Variants in LRRC49 observed in about 807,000 individuals in gnomAD.
LRRC49 encodes the protein leucine rich repeat containing 49, also known as leucine-rich repeat-containing protein 49.
A neutral mutation model predicts 83.3 loss-of-function variants in LRRC49; 50 were observed. That is an observed-to-expected ratio of 0.60 (90% CI 0.48 to 0.76). The LOEUF (loss-of-function observed/expected upper bound fraction) is 0.76, where lower values mean the gene tolerates loss of function less well. Among genes scored for constraint, LRRC49 ranks in the 30% least tolerant of loss-of-function variants. LRRC49 has a pLI of 0.00. For synonymous variants in LRRC49, 286 were observed against 283.3 expected (o/e 1.01, Z -0.10); for missense variants, 704 against 809.1 (o/e 0.87, Z 1.58).
At chr15:70,987,965 C>G (rs2037696799) in intron 11 of LRRC49, among the ~76,000 whole-genome samples, 1 of 152,124 alleles carries the variant, frequency 6.6e-6, no homozygotes, top group South Asian at 2.1e-4. Context: ...TTTCTTCATC[C>G]TGAGTTCTAG....
intron 11 of LRRC49, among the ~76,000 whole-genome samples, chr15:70,992,325 G>A (rs143936961): frequency 2.4e-3 from 373 of 152,308 alleles, no homozygotes; most frequent in Non-Finnish European, 4.3e-3. Context: ...GTCATTCTCC[G>A]TCCAGCTTTG....
At chr15:70,996,547 T>C (rs1341339225) in intron 11 of LRRC49, among the ~76,000 whole-genome samples, 1 of 152,166 alleles carries the variant, frequency 6.6e-6, no homozygotes, top group African/African-American at 2.4e-5. Flanking sequence ...ACCAAATCTT[T>C]AAATGTATAT....
intron 3 of LRRC49, 145 bp from the exon 4 acceptor site, chr15:70,900,773 GTAAT>G (rs1390235906): frequency 1.7e-6 from 1 of 599,536 alleles, no homozygotes; most frequent in Non-Finnish European, 3.0e-6. Context: ...ATTCAGCTTA[GTAAT>G]TAATTTCAAA....
At chr15:70,899,642 C>A (rs1390816754) in intron 3 of LRRC49, among the ~76,000 whole-genome samples, 1 of 152,230 alleles carries the variant, frequency 6.6e-6, no homozygotes, top group Admixed American at 6.5e-5. Context: ...TTATGCCTTG[C>A]AGACCTGAGG....
At chr15:70,996,437 G>C (rs918231196) in intron 11 of LRRC49, among the ~76,000 whole-genome samples, 8 of 152,044 alleles carry the variant, frequency 5.3e-5, no homozygotes, top group African/African-American at 1.2e-4. Context: ...CCTCCTTACA[G>C]CATTTGACGT....
chr15:70,942,715 C>T (rs1401671136), intron 8 of LRRC49, among the ~76,000 whole-genome samples: 1 of 152,082 alleles, frequency 6.6e-6, no homozygotes, highest in Non-Finnish European at 1.5e-5. Context: ...CAGGGTGCAG[C>T]TTGGTTTTAT....
At chr15:70,959,121 T>A (rs2036504456) in intron 8 of LRRC49, among the ~76,000 whole-genome samples, 1 of 152,248 alleles carries the variant, frequency 6.6e-6, no homozygotes, top group East Asian at 1.9e-4. Flanking sequence ...GTGTACTGAA[T>A]GAGAATGACT....
At chr15:70,902,246 T>G (rs2034116047) in intron 4 of LRRC49, among the ~76,000 whole-genome samples, 1 of 152,218 alleles carries the variant, frequency 6.6e-6, no homozygotes, top group Admixed American at 6.5e-5. Context: ...CCCTTCAGTT[T>G]CATGTTACTT....
chr15:71,049,340 C>A, intron 15 of LRRC49, 69 bp from the exon 16 acceptor site: 2 of 972,810 alleles, frequency 2.1e-6, no homozygotes, highest in East Asian at 2.5e-5. Context: ...TTCTGTGGTT[C>A]AGCTAATTGT....
At chr15:70,993,223 C>T (rs1321374540) in intron 11 of LRRC49, among the ~76,000 whole-genome samples, 3 of 152,224 alleles carry the variant, frequency 2.0e-5, no homozygotes, top group East Asian at 1.9e-4. Flanking sequence ...TTGTTAAGAC[C>T]GTTGGAAAAG....
intron 8 of LRRC49, among the ~76,000 whole-genome samples, chr15:70,960,979 A>G (rs1325036105): frequency 1.3e-5 from 2 of 152,228 alleles, no homozygotes; most frequent in Non-Finnish European, 2.9e-5. Context: ...GACACTGTTA[A>G]GAGAAGGAAA....
Position 70,968,561 on chromosome 15 carries a change from G to A in LRRC49, c.921+4629G>A, listed in dbSNP as rs186757200. Among the ~76,000 whole-genome samples the A allele has an allele frequency of 3.7e-4, 57 of 152,310 alleles. 1 individual carries two copies. The highest frequency in any genetic ancestry group is 3.6e-3 in the Admixed American group (55 of 15,296). On this transcript the variant is annotated intron_variant, in intron 9 of 15. Coordinates refer to ENST00000260382, the MANE Select transcript of LRRC49 (RefSeq NM_017691.5). Reference sequence around the variant, plus strand: ...TAGATCCTTGAGGAATTGCTGCACTGTCTTCCACAATGGTTGAACTAACTT... The same window carrying A: ...TAGATCCTTGAGGAATTGCTGCACTATCTTCCACAATGGTTGAACTAACTT...
intron 15 of LRRC49, among the ~76,000 whole-genome samples, chr15:71,041,050 C>T (rs1188214172): frequency 6.6e-6 from 1 of 152,112 alleles, no homozygotes; most frequent in Non-Finnish European, 1.5e-5. Flanking sequence ...GAAGAGGACT[C>T]TGAGCTTCAG....
chr15:70,896,104 G>A (rs1328961420), intron 3 of LRRC49, among the ~76,000 whole-genome samples, 168 bp downstream of exon 3: 7 of 151,986 alleles, frequency 4.6e-5, no homozygotes, highest in Non-Finnish European at 7.4e-5. Context: ...TATATATGTA[G>A]CATAGTAGAT....
At chr15:70,868,943 A>G (rs1007245991) in intron 1 of LRRC49, among the ~76,000 whole-genome samples, 1 of 152,244 alleles carries the variant, frequency 6.6e-6, no homozygotes, top group Admixed American at 6.5e-5. Context: ...AGGTACCTCT[A>G]AGAAAATAAT....
intron 9 of LRRC49, among the ~76,000 whole-genome samples, chr15:70,972,713 T>C (rs967968700): frequency 3.3e-5 from 5 of 152,112 alleles, no homozygotes; most frequent in African/African-American, 1.2e-4. Context: ...AATCTTGTCT[T>C]CACGCTTCAT....
At chr15:70,864,892 A>T (rs938674838) in intron 1 of LRRC49, among the ~76,000 whole-genome samples, 2 of 152,152 alleles carry the variant, frequency 1.3e-5, no homozygotes, top group Non-Finnish European at 2.9e-5. Context: ...AGCAACTGAG[A>T]TGTCCATATC....
At chr15:70,860,761 A>T (rs1235380327) in intron 1 of LRRC49, among the ~76,000 whole-genome samples, 2 of 152,226 alleles carry the variant, frequency 1.3e-5, no homozygotes, top group African/African-American at 4.8e-5. Flanking sequence ...AGTATTGTCC[A>T]TTAATATTTA....
At chr15:70,958,056 T>C (rs2036465758) in intron 8 of LRRC49, among the ~76,000 whole-genome samples, 1 of 152,036 alleles carries the variant, frequency 6.6e-6, no homozygotes, top group Admixed American at 6.6e-5. Flanking sequence ...AAACTTGGAG[T>C]TATTCTGGAT....
Sources: gnomAD v4.1 joint callset for allele counts (sites outside exome capture counted in the v4.1 genomes callset) on GRCh38, gnomAD v4.1.1 for gene constraint, MANE v1.5 for transcripts, NCBI Gene and HGNC (gene_info 2026-07-23, HGNC 2026-07-21) for gene names.